COL4A5: variants seen among roughly 807,000 people sequenced by gnomAD.
COL4A5 encodes collagen alpha-5(IV) chain.
In COL4A5, 26 loss-of-function variants were observed where a neutral mutation model predicts 130.2. That is an observed-to-expected ratio of 0.20 (90% CI 0.15 to 0.28). COL4A5 has a LOEUF of 0.28. Among genes scored for constraint, COL4A5 ranks in the 10% least tolerant of loss-of-function variants. The probability of loss-of-function intolerance (pLI) is 1.00; values close to 1 mark genes in which losing one functional copy is unlikely to be tolerated. For missense variants in COL4A5, 1,131 were observed against 1,344.3 expected (o/e 0.84, Z 2.48); for synonymous variants, 496 against 439.6 (o/e 1.13, Z -1.60).
chrX:108,455,342 G>GT lies in COL4A5; in HGVS notation c.81+15142dup, dbSNP rs765552530. On this transcript the variant is annotated intron_variant, in intron 1 of 52. Coordinates refer to ENST00000328300, the MANE Select transcript of COL4A5 (RefSeq NM_033380.3). ...CACACTGTTGATGGACATTTGGGTT[G>GT]TTTTTTGTTTGTGGCTATTAAAGTT... is the stretch of plus-strand genomic sequence containing the variant. Among the ~76,000 whole-genome samples the GT allele has an allele frequency of 1.0e-3, 113 of 111,932 alleles. 4 individuals are homozygous for GT. The East Asian group carries it at 0.031, about 30-fold the overall frequency.
intron 39 of COL4A5, among the ~76,000 whole-genome samples, chrX:108,666,822 TA>T (rs1400334219): frequency 1.8e-5 from 2 of 111,867 alleles, no homozygotes; most frequent in East Asian, 5.6e-4. Context: ...TCTAATTTTT[TA>T]TATCAAAAAG....
rs372805446 is a variant in COL4A5 at position 108,559,094 on chromosome X, C to T, written c.172C>T (p.His58Tyr). ...GAGAGGGTTTCCAGGTTTGGAAGGA[C>T]ACCCAGGATTGCCTGGATTTCCAGG... ...GERGFPGLEG[H>Y]PGLPGFPGPE... The change falls in exon 3 of 53, where the codon CAC becomes TAC. Residue 58 changes from histidine to tyrosine, a missense_variant. Coordinates refer to ENST00000328300, the MANE Select transcript of COL4A5 (RefSeq NM_033380.3). The T allele has an allele frequency of 5.8e-6, 7 of 1,208,952 alleles. No homozygotes were observed. The highest frequency in any genetic ancestry group is 1.7e-5 in the African/African-American group (1 of 57,214).
intron 17 of COL4A5, among the ~76,000 whole-genome samples, chrX:108,583,718 T>C (rs1321499932): frequency 9.0e-6 from 1 of 111,373 alleles, no homozygotes; most frequent in Non-Finnish European, 1.9e-5. Flanking sequence ...TCCGATAAAA[T>C]GATTTTTTGT....
intron 2 of COL4A5, among the ~76,000 whole-genome samples, chrX:108,551,489 A>G (rs1454952991): frequency 1.1e-4 from 12 of 111,878 alleles, no homozygotes; most frequent in Non-Finnish European, 1.9e-5. Context: ...TATTATTAAA[A>G]AGTTAGAATG....
intron 1 of COL4A5, among the ~76,000 whole-genome samples, chrX:108,484,759 A>G (rs764586252): frequency 8.9e-6 from 1 of 112,572 alleles, no homozygotes; most frequent in Non-Finnish European, 1.9e-5. Flanking sequence ...TGAAGCTAGG[A>G]CAGCACTGTG....
chrX:108,622,873 G>A, intron 33 of COL4A5, 48 bp downstream of exon 33: 5 of 1,127,783 alleles, frequency 4.4e-6, no homozygotes, highest in Non-Finnish European at 6.0e-6. Flanking sequence ...TATATCTGAA[G>A]TTTAATTTTT....
chrX:108,554,426 G>T (rs1024462196), intron 2 of COL4A5, among the ~76,000 whole-genome samples: 7 of 111,333 alleles, frequency 6.3e-5, no homozygotes, highest in South Asian at 3.8e-4. Flanking sequence ...CAGGAGAACA[G>T]TGTGGGGGAA....
intron 36 of COL4A5, among the ~76,000 whole-genome samples, chrX:108,646,830 A>C (rs867044941): frequency 4.9e-4 from 54 of 111,191 alleles, no homozygotes; most frequent in African/African-American, 1.7e-3. Flanking sequence ...CCATTTATTA[A>C]ATAGGGAATC....
chrX:108,504,527 C>T (rs1030350307), intron 1 of COL4A5, among the ~76,000 whole-genome samples: 1 of 111,789 alleles, frequency 8.9e-6, no homozygotes, highest in Non-Finnish European at 1.9e-5. Flanking sequence ...GGAACTGAAA[C>T]AAATCAGCAA....
At chrX:108,503,374 A>T (rs1214885770) in intron 1 of COL4A5, among the ~76,000 whole-genome samples, 3 of 112,121 alleles carry the variant, frequency 2.7e-5, no homozygotes, top group African/African-American at 9.7e-5. Flanking sequence ...CACATTCACC[A>T]CTTGTCTTCA....
chrX:108,675,310 A>G (rs1171428424), intron 43 of COL4A5, among the ~76,000 whole-genome samples: 1 of 111,527 alleles, frequency 9.0e-6, no homozygotes. Flanking sequence ...GCAGTGCCTT[A>G]GGTTATTTCA....
At chrX:108,597,291 G>A (rs1338050592) in intron 23 of COL4A5, 86 bp from the exon 24 acceptor site, 19 of 1,023,806 alleles carry the variant, frequency 1.9e-5, no homozygotes, top group Non-Finnish European at 2.3e-5. Context: ...CTGGAGAGAA[G>A]AAAATGTTAG....
chrX:108,483,863 G>C (rs1569476295), intron 1 of COL4A5, among the ~76,000 whole-genome samples: 1 of 112,324 alleles, frequency 8.9e-6, no homozygotes, highest in Non-Finnish European at 1.9e-5. Context: ...TTTCTCTGAT[G>C]AACAATGTTT....
At chrX:108,522,912 C>T (rs1458050345) in intron 1 of COL4A5, among the ~76,000 whole-genome samples, 1 of 103,563 alleles carries the variant, frequency 9.7e-6, no homozygotes, top group East Asian at 3.0e-4. Context: ...GAGTCTTGCT[C>T]TGTCACCCAT....
At position 108,575,982 on chromosome X, in the gene COL4A5, CTTCTT is replaced by C. The variant is rs1443872726; in HGVS notation, c.609+12_609+16del. On this transcript the variant is annotated intron_variant, in intron 10 of 52. Transcript: ENST00000328300. ...ACCACCAGGTTTGATGGTAAGCTCT[CTTCTT>C]TAATTTAATTTCCCCCCCTTTCCTT... 3.6e-6 allele frequency: 4 copies of C among 1,122,903 alleles called. No individual in the cohort carries two copies. Among genetic ancestry groups the C allele is most frequent in the Non-Finnish European group, 4.9e-6 (4 of 818,978 alleles). 92.5% of individuals were successfully genotyped at this position (1,122,903 alleles called of 1,213,427 possible). A position where few individuals can be genotyped will look rare whatever the true frequency, so the allele number is the denominator to read the frequency against.
At chrX:108,624,148 T>C in intron 33 of COL4A5, 88 bp from the exon 34 acceptor site, 1 of 700,773 alleles carries the variant, frequency 1.4e-6, no homozygotes, top group Non-Finnish European at 2.2e-6. Flanking sequence ...TCACTTATAG[T>C]TTAACACTTG....
chrX:108,696,488 G>A lies in COL4A5; in HGVS notation c.*110G>A. 1.8e-6 allele frequency: 1 copy of A among 560,598 alleles called. No individual in the cohort carries two copies. Among genetic ancestry groups the A allele is most frequent in the Non-Finnish European group, 3.0e-6 (1 of 334,330 alleles). 46.2% of individuals were successfully genotyped at this position (560,598 alleles called of 1,213,427 possible). ...CTTTACTACTGCTGCCGTCAATGGT[G>A]CTACTATATATGATCAAGATAACAT... is the stretch of plus-strand genomic sequence containing the variant. On this transcript the variant is annotated 3_prime_UTR_variant, in exon 53 of 53. Transcript: ENST00000328300.
intron 1 of COL4A5, among the ~76,000 whole-genome samples, chrX:108,441,177 T>C (rs1378728842): frequency 8.9e-6 from 1 of 112,151 alleles, no homozygotes; most frequent in African/African-American, 3.2e-5. Context: ...TGAGAGAAAA[T>C]GTTCTCCAGC....
chrX:108,687,596 C>G lies in COL4A5; in HGVS notation c.4430C>G (p.Thr1477Arg), dbSNP rs770328581. The G allele has an allele frequency of 5.0e-6, 6 of 1,211,182 alleles. No individual in the cohort carries two copies. Among genetic ancestry groups the G allele is most frequent in the Non-Finnish European group, 6.7e-6 (6 of 895,016 alleles). The change falls in exon 49 of 53, where the codon ACG becomes AGG. Residue 1477 changes from threonine (T) to arginine (R), a missense_variant. Physicochemically the swap from Thr to Arg is moderately conservative, Grantham distance 71. Coordinates refer to ENST00000328300, the MANE Select transcript of COL4A5 (RefSeq NM_033380.3). Reference protein sequence around the residue: ...GFLITRHSQTTDAPQCPQGTL... With the variant: ...GFLITRHSQTRDAPQCPQGTL... ...CTTATTACACGCCACAGCCAGACAA[C>G]GGATGCACCACAATGCCCACAGGGA...
Sources: allele counts gnomAD v4.1 joint callset (sites outside exome capture counted in the v4.1 genomes callset), GRCh38; gene constraint gnomAD v4.1.1; transcripts MANE v1.5; gene names NCBI Gene and HGNC (gene_info 2026-07-23, HGNC 2026-07-21).